Variants in OSBPL3 observed in about 807,000 individuals in gnomAD.
OSBPL3 encodes oxysterol binding protein like 3.
OSBPL3 carries 65 observed loss-of-function variants against 120.1 expected under a neutral mutation model. The ratio of observed to expected loss-of-function variants is 0.54; its 90% confidence interval spans 0.44 to 0.67. The LOEUF (loss-of-function observed/expected upper bound fraction) is 0.67. OSBPL3 is among the 30% of genes least tolerant of loss of function. The pLI is 0.00. For synonymous variants in OSBPL3, 416 were observed against 402.6 expected (o/e 1.03, Z -0.40); for missense variants, 1,004 against 1,082.1 (o/e 0.93, Z 1.01).
At chr7:24,814,174 T>C (rs1451690400) in intron 19 of OSBPL3, among the ~76,000 whole-genome samples, 1 of 151,774 alleles carries the variant, frequency 6.6e-6, no homozygotes, top group East Asian at 1.9e-4. Flanking sequence ...TGGGGACAGC[T>C]GCCCAAGCAG....
chr7:24,902,587 C>T (rs1278570139), intron 1 of OSBPL3, among the ~76,000 whole-genome samples: 2 of 151,846 alleles, frequency 1.3e-5, no homozygotes, highest in East Asian at 3.9e-4. Context: ...TAAGGTAGGA[C>T]TAGTTTTAGT....
At position 24,946,721 on chromosome 7, in the gene OSBPL3, T is replaced by C. The variant is rs1202962913; in HGVS notation, c.-150+33165A>G. Among the ~76,000 whole-genome samples, 1 of 152,130 alleles carries C rather than the reference T, an allele frequency of 6.6e-6. No homozygotes were observed. Among genetic ancestry groups the C allele is most frequent in the Non-Finnish European group, 1.5e-5 (1 of 68,028 alleles). ...GCAGGCTCAGGTCCATCTTATCCAC[T>C]CCATGTGGCAAACATTTCTCCCTCC... On this transcript the variant is annotated intron_variant, in intron 1 of 22. Coordinates refer to ENST00000313367, the MANE Select transcript of OSBPL3 (RefSeq NM_015550.4). The surrounding 1 kb of genome is among the most constrained non-coding windows in gnomAD (Gnocchi z 4.3).
chr7:24,927,137 T>C (rs985830415), intron 1 of OSBPL3, among the ~76,000 whole-genome samples: 3 of 152,200 alleles, frequency 2.0e-5, no homozygotes, highest in African/African-American at 7.2e-5. Flanking sequence ...ATTGTATGTC[T>C]GGAACTCATT....
intron 1 of OSBPL3, among the ~76,000 whole-genome samples, chr7:24,975,176 G>A (rs79616660): frequency 0.021 from 3,230 of 152,154 alleles, 52 homozygotes; most frequent in Non-Finnish European, 0.034. Context: ...CAGCATTACC[G>A]TAGATATGAA....
intron 1 of OSBPL3, among the ~76,000 whole-genome samples, chr7:24,914,419 A>G (rs1272232308): frequency 6.6e-6 from 1 of 152,070 alleles, no homozygotes; most frequent in Non-Finnish European, 1.5e-5. Flanking sequence ...CTAAATTTTA[A>G]ATTTTATTTC....
Position 24,873,750 on chromosome 7 carries a change from A to G in OSBPL3, c.97-1681T>C, listed in dbSNP as rs1802483398. Among the ~76,000 whole-genome samples, 1 of 152,236 alleles carries G rather than the reference A, an allele frequency of 6.6e-6. No individual in the cohort carries two copies. The highest frequency in any genetic ancestry group is 6.5e-5 in the Admixed American group (1 of 15,288). ...TATTACTTAAAAACACCAAAAAAAA[A>G]AACTTACTTGAATTTATTTTAGCTC... On this transcript the variant is annotated intron_variant, in intron 2 of 22. Coordinates refer to ENST00000313367, the MANE Select transcript of OSBPL3 (RefSeq NM_015550.4). This position sits in a 1 kb window ranked among gnomAD's most constrained non-coding sequence, Gnocchi z 4.1.
intron 2 of OSBPL3, among the ~76,000 whole-genome samples, chr7:24,882,780 G>A (rs1156396759): frequency 6.6e-6 from 1 of 151,378 alleles, no homozygotes; most frequent in Non-Finnish European, 1.5e-5. Context: ...ACTTATATAA[G>A]ATGATATCTC....
rs1284071497 is a variant in OSBPL3 at position 24,815,989 on chromosome 7, AT to A, written c.2027+620del. Among the ~76,000 whole-genome samples, 2 of 152,210 alleles carry A rather than the reference AT, an allele frequency of 1.3e-5. No individual in the cohort carries two copies. Among genetic ancestry groups the A allele is most frequent in the Non-Finnish European group, 2.9e-5 (2 of 68,034 alleles). ...CAAGGCCATACTTTTCTTAAAAGGG[AT>A]TTTGATAGCAAAGCAGCATAATAAA... On this transcript the variant is annotated intron_variant, in intron 18 of 22. Coordinates refer to ENST00000313367, the MANE Select transcript of OSBPL3 (RefSeq NM_015550.4). This position sits in a 1 kb window ranked among gnomAD's most constrained non-coding sequence, Gnocchi z 5.1.
chr7:24,843,045 T>A (rs922613025), intron 12 of OSBPL3, among the ~76,000 whole-genome samples: 12 of 152,198 alleles, frequency 7.9e-5, no homozygotes. Flanking sequence ...TCTGTACAAA[T>A]AACACAACAG....
In OSBPL3 at chr7:24,806,918, A is replaced by G; in HGVS notation, c.2318-16T>C. On this transcript the variant is annotated splice_polypyrimidine_tract_variant and intron_variant, in intron 20 of 22. Coordinates refer to ENST00000313367, the MANE Select transcript of OSBPL3 (RefSeq NM_015550.4). The surrounding 1 kb of genome is among the most constrained non-coding windows in gnomAD (Gnocchi z 5.2). ...GGCATAGGATCTAAGAAGAAAATAA[A>G]TCATTCACCCCTAACTTGCATGTTA... 1 of 1,600,304 alleles carries G rather than the reference A, an allele frequency of 6.2e-7. No homozygotes were observed. The highest frequency in any genetic ancestry group is 8.5e-7 in the Non-Finnish European group (1 of 1,172,150).
intron 1 of OSBPL3, among the ~76,000 whole-genome samples, chr7:24,923,993 A>G (rs771988929): frequency 6.6e-6 from 1 of 152,252 alleles, no homozygotes; most frequent in African/African-American, 2.4e-5. Context: ...TTGTGGATAA[A>G]TAAGTTAAAA....
chr7:24,881,665 GGT>G lies in OSBPL3; in HGVS notation c.97-9598_97-9597del, dbSNP rs1344057373. 5.3e-5 allele frequency among the ~76,000 whole-genome samples: 8 copies of G among 152,158 alleles called. No individual in the cohort carries two copies. The highest frequency in any genetic ancestry group is 1.9e-4 in the African/African-American group (8 of 41,428). On this transcript the variant is annotated intron_variant, in intron 2 of 22. Coordinates refer to ENST00000313367, the MANE Select transcript of OSBPL3 (RefSeq NM_015550.4). This position sits in a 1 kb window ranked among gnomAD's most constrained non-coding sequence, Gnocchi z 4.3. ...AAAAATGACACACAGTAAGCAGCAGGGTGTCTTAGATTCCTGAGGCCAACTTG... is the reference window on the plus strand; with the variant it reads ...AAAAATGACACACAGTAAGCAGCAGGGTCTTAGATTCCTGAGGCCAACTTG...
chr7:24,978,800 A>AGT (rs1296774231), intron 1 of OSBPL3, among the ~76,000 whole-genome samples: 3 of 152,246 alleles, frequency 2.0e-5, no homozygotes, highest in Admixed American at 1.3e-4. Context: ...ACCTCTGCGC[A>AGT]GTACGCAGAC....
At chr7:24,838,145 C>T (rs990239711) in intron 14 of OSBPL3, among the ~76,000 whole-genome samples, 1 of 152,178 alleles carries the variant, frequency 6.6e-6, no homozygotes, top group Non-Finnish European at 1.5e-5. Context: ...ACACACATTT[C>T]TAGTATTCAA....
chr7:24,941,277 T>C lies in OSBPL3; in HGVS notation c.-150+38609A>G, dbSNP rs145674383. Among the ~76,000 whole-genome samples, 7 of 152,304 alleles carry C rather than the reference T, an allele frequency of 4.6e-5. No individual in the cohort carries two copies. In the East Asian group the frequency reaches 1.3e-3, roughly 29 times the overall value. On this transcript the variant is annotated intron_variant, in intron 1 of 22. Coordinates refer to ENST00000313367, the MANE Select transcript of OSBPL3 (RefSeq NM_015550.4). Reference sequence around the variant, plus strand: ...ACTCCTCCTAATTGGGTCTTACTTCTTATCAATTTAGAAAAACCCTGGAGG... The same window carrying C: ...ACTCCTCCTAATTGGGTCTTACTTCCTATCAATTTAGAAAAACCCTGGAGG...
intron 1 of OSBPL3, among the ~76,000 whole-genome samples, chr7:24,893,316 C>T (rs548817726): frequency 6.6e-6 from 1 of 152,302 alleles, no homozygotes; most frequent in Non-Finnish European, 1.5e-5. Flanking sequence ...GGTACTGATA[C>T]ATGCTATAAC....
chr7:24,963,811 C>A (rs1009635685), intron 1 of OSBPL3, among the ~76,000 whole-genome samples: 1 of 152,070 alleles, frequency 6.6e-6, no homozygotes, highest in African/African-American at 2.4e-5. Context: ...GGGTAGTAAA[C>A]CATGTAGTGG....
At chr7:24,800,765 A>AC (rs1425285325) in intron 22 of OSBPL3, among the ~76,000 whole-genome samples, 2 of 151,834 alleles carry the variant, frequency 1.3e-5, no homozygotes, top group African/African-American at 4.8e-5. Context: ...CCATTTTGTT[A>AC]CACGACTTTA....
chr7:24,901,316 T>C (rs1376833067), intron 1 of OSBPL3, among the ~76,000 whole-genome samples: 1 of 150,482 alleles, frequency 6.6e-6, no homozygotes, highest in Non-Finnish European at 1.5e-5. Context: ...GGCGCCACTG[T>C]ACTCCAGCCT....
Sources: allele counts gnomAD v4.1 joint callset (sites outside exome capture counted in the v4.1 genomes callset), GRCh38; gene constraint gnomAD v4.1.1; non-coding constraint Gnocchi (gnomAD v3.1); transcripts MANE v1.5; gene names NCBI Gene and HGNC (gene_info 2026-07-23, HGNC 2026-07-21).